Variants in AUH observed in about 807,000 individuals in gnomAD.
The protein encoded by AUH is AU RNA binding methylglutaconyl-CoA hydratase.
In AUH, 29 loss-of-function variants were observed where a neutral mutation model predicts 42.3. That is an observed-to-expected ratio of 0.69 (90% CI 0.51 to 0.93). The LOEUF (loss-of-function observed/expected upper bound fraction) is 0.93. Ranked by LOEUF, AUH falls within the 40% of genes least tolerant of loss-of-function variation. The pLI, the probability that AUH is intolerant of heterozygous loss-of-function variation, is 0.00. For synonymous variants in AUH, 174 were observed against 166.4 expected (o/e 1.05, Z -0.35); for missense variants, 452 against 438.1 (o/e 1.03, Z -0.28).
intron 6 of AUH, among the ~76,000 whole-genome samples, chr9:91,281,859 C>T (rs1170991191): frequency 2.0e-5 from 3 of 152,140 alleles, no homozygotes; most frequent in African/African-American, 7.2e-5. Flanking sequence ...CAGCAACAGG[C>T]TCGTGGCAGG....
At chr9:91,297,701 T>C (rs986385327) in intron 5 of AUH, among the ~76,000 whole-genome samples, 2 of 151,900 alleles carry the variant, frequency 1.3e-5, no homozygotes, top group African/African-American at 4.8e-5. Flanking sequence ...CAAGTGATCC[T>C]CCCACCTCAG....
rs541369874 is a variant in AUH, at chr9:91,276,486, G to A, written c.655+19535C>T. On this transcript the variant is annotated intron_variant, in intron 6 of 9. Coordinates refer to ENST00000375731, the MANE Select transcript of AUH (RefSeq NM_001698.3). ...GTGAATTCTCAAAAATATGGCCTAT[G>A]TCTATCTACAGAGTAATGTGACTTT... 2.6e-5 allele frequency among the ~76,000 whole-genome samples: 4 copies of A among 151,072 alleles called. No individual in the cohort carries two copies. The South Asian group carries it at 6.3e-4, about 24-fold the overall frequency.
In AUH at chr9:91,296,611, T is replaced by C. The variant is rs543984471; in HGVS notation, c.599-534A>G. Among the ~76,000 whole-genome samples the C allele has an allele frequency of 6.6e-5, 10 of 152,332 alleles. No individual in the cohort carries two copies. In the South Asian group the frequency reaches 1.5e-3, roughly 22 times the overall value. On this transcript the variant is annotated intron_variant, in intron 5 of 9. Coordinates refer to ENST00000375731, the MANE Select transcript of AUH (RefSeq NM_001698.3). ...CTGTTTTCATGGCTACTTTAAAACA[T>C]CTTAATAACTTCTTTATTTGCATAT...
At chr9:91,288,897 T>C (rs1826637590) in intron 6 of AUH, among the ~76,000 whole-genome samples, 2 of 152,202 alleles carry the variant, frequency 1.3e-5, no homozygotes, top group South Asian at 4.1e-4. Context: ...AAAGTCATTA[T>C]TTTATAATAG....
intron 6 of AUH, among the ~76,000 whole-genome samples, chr9:91,289,724 C>T (rs981057122): frequency 6.6e-6 from 1 of 151,990 alleles, no homozygotes; most frequent in African/African-American, 2.4e-5. Flanking sequence ...TCATCTACAA[C>T]AAAGGAAAGA....
chr9:91,224,462 C>T (rs1338562205), intron 6 of AUH, among the ~76,000 whole-genome samples: 1 of 152,058 alleles, frequency 6.6e-6, no homozygotes, highest in Non-Finnish European at 1.5e-5. Context: ...AATTTTGGTC[C>T]AATTTACCTC....
intron 6 of AUH, among the ~76,000 whole-genome samples, chr9:91,227,719 T>C (rs1827597530): frequency 6.6e-6 from 1 of 151,456 alleles, no homozygotes; most frequent in Non-Finnish European, 1.5e-5. Flanking sequence ...TATTTTGAAA[T>C]ATGTCCCATC....
chr9:91,265,277 ATT>A (rs57781691), intron 6 of AUH, among the ~76,000 whole-genome samples: 14 of 133,926 alleles, frequency 1.0e-4, no homozygotes, highest in Admixed American at 2.2e-4. Flanking sequence ...TTGCTCTTGC[ATT>A]TTTTTTTTTT....
At chr9:91,225,034 C>A (rs1404759979) in intron 6 of AUH, among the ~76,000 whole-genome samples, 1 of 152,148 alleles carries the variant, frequency 6.6e-6, no homozygotes, top group African/African-American at 2.4e-5. Flanking sequence ...GGAATAGTTA[C>A]CCCAAATGGC....
intron 6 of AUH, among the ~76,000 whole-genome samples, chr9:91,230,175 C>A (rs1479599337): frequency 1.3e-5 from 2 of 151,980 alleles, no homozygotes; most frequent in African/African-American, 4.8e-5. Context: ...TCCATTCTCC[C>A]CATCACTTTC....
intron 9 of AUH, among the ~76,000 whole-genome samples, chr9:91,215,377 A>T (rs1826762351): frequency 6.6e-6 from 1 of 152,120 alleles, no homozygotes; most frequent in South Asian, 2.1e-4. Context: ...CATATTACCT[A>T]CGCACATCCT....
intron 6 of AUH, among the ~76,000 whole-genome samples, chr9:91,282,646 C>CTACCATCA (rs1399373271): frequency 5.9e-5 from 9 of 152,100 alleles, no homozygotes; most frequent in Non-Finnish European, 8.8e-5. Context: ...TCCGATCCCA[C>CTACCATCA]GGAAATACAA....
At chr9:91,340,241 A>G (rs1308586410) in intron 3 of AUH, among the ~76,000 whole-genome samples, 1 of 152,182 alleles carries the variant, frequency 6.6e-6, no homozygotes, top group Non-Finnish European at 1.5e-5. Flanking sequence ...ACCACACTGA[A>G]TAAGAAAGAT....
At chr9:91,352,045 C>T (rs1166047513) in intron 3 of AUH, among the ~76,000 whole-genome samples, 1 of 152,108 alleles carries the variant, frequency 6.6e-6, no homozygotes, top group Non-Finnish European at 1.5e-5. Context: ...GAGGCCTAGG[C>T]AGGTGGATCA....
intron 7 of AUH, 32 bp from the exon 8 acceptor site, chr9:91,217,359 T>TAAAGA (rs1342698364): frequency 4.4e-6 from 7 of 1,594,862 alleles, no homozygotes; most frequent in Non-Finnish European, 6.0e-6. Flanking sequence ...CAGACTTCAA[T>TAAAGA]TATTTTTTAT....
intron 6 of AUH, among the ~76,000 whole-genome samples, chr9:91,244,478 A>T (rs1236469621): frequency 6.6e-6 from 1 of 152,244 alleles, no homozygotes; most frequent in African/African-American, 2.4e-5. Flanking sequence ...TGTTTTAACA[A>T]ATTTTTTAGT....
chr9:91,237,406 G>A (rs1259454771), intron 6 of AUH, among the ~76,000 whole-genome samples: 1 of 152,164 alleles, frequency 6.6e-6, no homozygotes, highest in East Asian at 1.9e-4. Context: ...CACAGACAAA[G>A]TAAGAGGATA....
At chr9:91,357,453 G>A (rs1006647136) in intron 1 of AUH, 10 of 947,062 alleles carry the variant, frequency 1.1e-5, no homozygotes, top group Admixed American at 6.2e-5. Context: ...GACTAGATGT[G>A]TCCATTCATT....
intron 4 of AUH, among the ~76,000 whole-genome samples, chr9:91,299,551 A>C (rs1350211185): frequency 2.0e-5 from 3 of 152,220 alleles, no homozygotes; most frequent in African/African-American, 7.2e-5. Flanking sequence ...GGGACTTGAA[A>C]GGACAGGACA....
Sources: allele counts gnomAD v4.1 joint callset (sites outside exome capture counted in the v4.1 genomes callset), GRCh38; gene constraint gnomAD v4.1.1; transcripts MANE v1.5; gene names NCBI Gene and HGNC (gene_info 2026-07-23, HGNC 2026-07-21).